DNAH9: variants seen among roughly 807,000 people sequenced by gnomAD.
DNAH9 encodes the protein DNAH9 variant protein.
In DNAH9, 345 loss-of-function variants were observed where a neutral mutation model predicts 471.6. The ratio of observed to expected loss-of-function variants is 0.73; its 90% CI spans 0.67 to 0.80. The LOEUF (loss-of-function observed/expected upper bound fraction) is 0.80, where lower values mean the gene tolerates loss of function less well. Among genes scored for constraint, DNAH9 ranks in the 30% least tolerant of loss-of-function variants. DNAH9 has a pLI of 0.00. For synonymous variants in DNAH9, 2,093 were observed against 2,123.6 expected (o/e 0.99, Z 0.40); for missense variants, 5,407 against 5,609.2 (o/e 0.96, Z 1.15).
At position 11,793,639 on chromosome 17, in the gene DNAH9, C is replaced by T; in HGVS notation, c.8198C>T (p.Thr2733Ile). 2 of 1,611,372 alleles carry T rather than the reference C, an allele frequency of 1.2e-6. No homozygotes were observed. Among genetic ancestry groups the T allele is most frequent in the Middle Eastern group, 1.7e-4 (1 of 5,922 alleles). ...TTTGATCTTTTTGATAAAATCCAGA[C>T]AGAAGTGCTCAAGAAAACTTTTGAT... ...KDFDLFDKIQ[T>I]EVLKKTFDDI... The change falls in exon 42 of 69, where the codon ACA (threonine) becomes ATA (isoleucine). Residue 2733 changes from threonine (T) to isoleucine (I), a missense_variant. By Grantham distance (89) the Thr-to-Ile change is moderately conservative. Around this residue, in one of 3 missense-constraint regions of DNAH9, gnomAD observed 4,636 missense variants for 4,900.3 expected, o/e 0.95. Coordinates refer to ENST00000262442, the MANE Select transcript of DNAH9 (RefSeq NM_001372.4).
rs1413726711 is a variant in DNAH9, at chr17:11,626,993, A to G, written c.1351-2424A>G. Among the ~76,000 whole-genome samples, 1 of 152,192 alleles carries G rather than the reference A, an allele frequency of 6.6e-6. No individual in the cohort carries two copies. The highest frequency in any genetic ancestry group is 6.5e-5 in the Admixed American group (1 of 15,282). ...CAACTTACTGGACAGAAAATAAGCA[A>G]ATAGTATAATATAATGCCAAATAAT... On this transcript the variant is annotated intron_variant, in intron 6 of 68. Transcript: ENST00000262442. The surrounding 1 kb of genome is among the most constrained non-coding windows in gnomAD (Gnocchi z 4.3).
At chr17:11,678,870 T>C (rs886230341) in intron 17 of DNAH9, among the ~76,000 whole-genome samples, 4 of 152,154 alleles carry the variant, frequency 2.6e-5, no homozygotes, top group Admixed American at 2.0e-4. Context: ...GTTATACTTA[T>C]GTGTGATGTT....
intron 49 of DNAH9, among the ~76,000 whole-genome samples, chr17:11,837,384 G>A (rs891370901): frequency 6.6e-6 from 1 of 152,148 alleles, no homozygotes; most frequent in African/African-American, 2.4e-5. Flanking sequence ...TGATTCCTCA[G>A]TTTCTTTTCC....
intron 61 of DNAH9, among the ~76,000 whole-genome samples, chr17:11,914,493 C>T (rs8070413): frequency 0.18 from 27,394 of 151,952 alleles, 2,728 homozygotes; most frequent in African/African-American, 0.26. Flanking sequence ...ATTTTCAATT[C>T]TCCATCCTTA....
At position 11,617,613 on chromosome 17, in the gene DNAH9, C is replaced by T; in HGVS notation, c.1107C>T (p.Leu369=). 6.2e-7 allele frequency: 1 copy of T among 1,613,786 alleles called. No individual in the cohort carries two copies. The highest frequency in any genetic ancestry group is 8.5e-7 in the Non-Finnish European group (1 of 1,179,836). The change falls in exon 5 of 69, where the codon CTC becomes CTT. Residue 369 remains leucine (L), a synonymous_variant. Transcript: ENST00000262442. ...TVLLQEICNL[L]IQQASNYLSP... is the part of the protein sequence containing the mutation. ...TGCTCCAGGAGATTTGCAACCTTCTCATCCAGCAGGTGGGCTGCCCTGGGA... is the reference window on the plus strand; with the variant it reads ...TGCTCCAGGAGATTTGCAACCTTCTTATCCAGCAGGTGGGCTGCCCTGGGA...
At position 11,881,705 on chromosome 17, in the gene DNAH9, G is replaced by A. The variant is rs1037627099; in HGVS notation, c.10806+292G>A. Among the ~76,000 whole-genome samples, 7 of 152,060 alleles carry A rather than the reference G, an allele frequency of 4.6e-5. No individual in the cohort carries two copies. The East Asian group carries it at 5.8e-4, about 13-fold the overall frequency. On this transcript the variant is annotated intron_variant, in intron 55 of 68. Transcript: ENST00000262442. ...GGGCGGATCATGAGGTCGGTAGTTC[G>A]AGACCAGCCTGGCCAACATGGTGAA...
intron 48 of DNAH9, among the ~76,000 whole-genome samples, chr17:11,827,482 G>A (rs1402895269): frequency 3.9e-5 from 6 of 152,036 alleles, no homozygotes; most frequent in African/African-American, 4.8e-5. Flanking sequence ...AAATGACCAC[G>A]TCTCACAAGA....
rs1045046512 is a variant in DNAH9, at chr17:11,652,698, A to G, written c.2354-63A>G. 8.5e-6 allele frequency: 13 copies of G among 1,521,800 alleles called. No individual in the cohort carries two copies. The African/African-American group carries it at 1.8e-4, about 21-fold the overall frequency. 94.3% of individuals were successfully genotyped at this position (1,521,800 alleles called of 1,614,324 possible). A position where few individuals can be genotyped will look rare whatever the true frequency, so the allele number is the denominator to read the frequency against. On this transcript the variant is annotated intron_variant, in intron 13 of 68. Transcript: ENST00000262442. The stretch of plus-strand genomic sequence containing the variant: ...TATTAAATCCCTGTCTTTCATAGCA[A>G]CTAGCCCTTTAGCTATGCCACTGCA...
At chr17:11,854,944 T>A (rs914256057) in intron 50 of DNAH9, among the ~76,000 whole-genome samples, 4 of 152,198 alleles carry the variant, frequency 2.6e-5, no homozygotes, top group Admixed American at 2.0e-4. Context: ...TATAAACTCA[T>A]GTAGATATTG....
chr17:11,863,673 C>G (rs1014708904), intron 50 of DNAH9, among the ~76,000 whole-genome samples: 1 of 150,794 alleles, frequency 6.6e-6, no homozygotes, highest in Admixed American at 6.6e-5. Context: ...GGTTGGTAAG[C>G]TATTGATTAT....
At chr17:11,843,130 G>T (rs1164702545) in intron 49 of DNAH9, among the ~76,000 whole-genome samples, 3 of 152,170 alleles carry the variant, frequency 2.0e-5, no homozygotes, top group African/African-American at 7.2e-5. Flanking sequence ...TAGAGAAAGT[G>T]CAATGACAGC....
At position 11,608,823 on chromosome 17, in the gene DNAH9, C is replaced by A. The variant is rs1402178934; in HGVS notation, c.614+498C>A. On this transcript the variant is annotated intron_variant, in intron 2 of 68. Transcript: ENST00000262442. ...ATTTTTTTCTCTTTTCAAATAGTAG[C>A]AAATCTGGCTTTGTTGGGACCTGGC... Among the ~76,000 whole-genome samples, 5 of 152,204 alleles carry A rather than the reference C, an allele frequency of 3.3e-5. No homozygotes were observed. In the South Asian group the frequency reaches 1.0e-3, roughly 32 times the overall value.
At chr17:11,960,435 T>TAAAAAAA (rs3074845) in intron 67 of DNAH9, among the ~76,000 whole-genome samples, 1,221 of 53,952 alleles carry the variant, frequency 0.023, 42 homozygotes, top group East Asian at 0.069. Flanking sequence ...GACTCTGTCT[T>TAAAAAAA]AAAAAAAAAA....
chr17:11,939,723 G>C (rs1279382877), intron 66 of DNAH9, among the ~76,000 whole-genome samples: 1 of 152,160 alleles, frequency 6.6e-6, no homozygotes, highest in African/African-American at 2.4e-5. Flanking sequence ...CTGTTCCCAT[G>C]TTTACATCTA....
chr17:11,758,480 A>T (rs913692703), intron 35 of DNAH9, among the ~76,000 whole-genome samples: 3 of 152,096 alleles, frequency 2.0e-5, no homozygotes, highest in African/African-American at 7.2e-5. Context: ...AGGCAATGTG[A>T]CTCAGAGCCC....
At chr17:11,916,560 T>A (rs575290618) in intron 61 of DNAH9, among the ~76,000 whole-genome samples, 2 of 152,356 alleles carry the variant, frequency 1.3e-5, no homozygotes, top group East Asian at 3.9e-4. Flanking sequence ...GGAATCCACA[T>A]GGCTGATCTA....
chr17:11,823,092 C>T, intron 48 of DNAH9, 58 bp downstream of exon 48: 1 of 1,455,348 alleles, frequency 6.9e-7, no homozygotes, highest in Non-Finnish European at 9.3e-7. Flanking sequence ...TGAAGCAGCC[C>T]TTTCCAGTGA....
chr17:11,701,474 C>T (rs150463438), intron 24 of DNAH9, among the ~76,000 whole-genome samples: 3 of 152,182 alleles, frequency 2.0e-5, no homozygotes, highest in East Asian at 1.9e-4. Flanking sequence ...CTCTTTTTGC[C>T]CTCATTGGCT....
At chr17:11,649,372 GGCATGTTTTTAGTTTAATAGACT>G (rs1366325231) in intron 12 of DNAH9, among the ~76,000 whole-genome samples, 3 of 152,114 alleles carry the variant, frequency 2.0e-5, no homozygotes, top group Admixed American at 1.3e-4. Flanking sequence ...CTCTGAAATT[GGCATGTTTTTAGTTTAATAGACT>G]GCATGTTTTT....
Sources: allele counts gnomAD v4.1 joint callset (sites outside exome capture counted in the v4.1 genomes callset), GRCh38; gene constraint gnomAD v4.1.1; regional missense constraint gnomAD v4.1.1; non-coding constraint Gnocchi (gnomAD v3.1); transcripts MANE v1.5; gene names NCBI Gene and HGNC (gene_info 2026-07-23, HGNC 2026-07-21).